The following ATP10B variants were observed in gnomAD, a reference collection of about 807,000 sequenced individuals.
The protein encoded by ATP10B is ATPase phospholipid transporting 10B (putative).
ATP10B carries 122 observed loss-of-function variants against 141.2 expected under a neutral mutation model. The observed-to-expected ratio is 0.86, with a 90% CI of 0.75 to 1.00. The LOEUF (loss-of-function observed/expected upper bound fraction) is 1.00, where lower values mean the gene tolerates loss of function less well. Among genes scored for constraint, ATP10B ranks in the 50% least tolerant of loss-of-function variants. The probability of loss-of-function intolerance (pLI) is 0.00; values close to 1 mark genes in which losing one functional copy is unlikely to be tolerated. For synonymous variants in ATP10B, 685 were observed against 692.0 expected, an observed-to-expected ratio of 0.99 and a Z score of 0.16; for missense variants, 1,876 against 1,825.3, an observed-to-expected ratio of 1.03 and a Z score of -0.51.
intron 16 of ATP10B, among the ~76,000 whole-genome samples, chr5:160,617,604 C>T (rs918368436): frequency 6.6e-6 from 1 of 152,180 alleles, no homozygotes; most frequent in African/African-American, 2.4e-5. Flanking sequence ...GAAAAAATGT[C>T]ATGAGTTGTG....
intron 2 of ATP10B, among the ~76,000 whole-genome samples, chr5:160,763,881 A>G (rs1769217973): frequency 6.6e-6 from 1 of 152,154 alleles, no homozygotes. Flanking sequence ...GGACGTTACA[A>G]CTGTTACCAC....
intron 2 of ATP10B, among the ~76,000 whole-genome samples, chr5:160,748,552 C>T (rs373990273): frequency 1.3e-4 from 20 of 152,228 alleles, no homozygotes; most frequent in African/African-American, 4.8e-4. Flanking sequence ...TGCTCTCGGC[C>T]TGCAGAGAGG....
intron 2 of ATP10B, among the ~76,000 whole-genome samples, chr5:160,719,298 G>A (rs1765852252): frequency 6.6e-6 from 1 of 152,206 alleles, no homozygotes; most frequent in Admixed American, 6.5e-5. Context: ...TACTCGGGAG[G>A]CTGAGGCAGG....
At chr5:160,707,388 A>G (rs77567751) in intron 3 of ATP10B, among the ~76,000 whole-genome samples, 1 of 152,188 alleles carries the variant, frequency 6.6e-6, no homozygotes. Context: ...CTGGCTTTTT[A>G]AGGTAGGAAC....
rs1389770518 is a variant in ATP10B at position 160,597,953 on chromosome 5, A to C, written c.3564+817T>G. On this transcript the variant is annotated intron_variant, in intron 22 of 25. Transcript: ENST00000327245. ...ACTTTTACACTGTTGGTGGGACTGT[A>C]AACTAGTTCAACCATTGTGGAAGTC... 2.7e-5 allele frequency among the ~76,000 whole-genome samples: 4 copies of C among 148,852 alleles called. No homozygotes were observed. In the East Asian group the frequency reaches 8.0e-4, roughly 30 times the overall value.
chr5:160,888,788 C>T, the ATP10B span, among the ~76,000 whole-genome samples: 1 of 152,216 alleles, frequency 6.6e-6, no homozygotes, highest in African/African-American at 2.4e-5. Context: ...CAAGGGTCTC[C>T]AAAATCTATG....
chr5:160,879,537 TA>T, the ATP10B span, among the ~76,000 whole-genome samples: 2,069 of 134,822 alleles, frequency 0.015, 17 homozygotes, highest in South Asian at 0.027. Context: ...AAAGTAAAAT[TA>T]AAAAAAAAAA....
At chr5:160,882,937 G>A in the ATP10B span, among the ~76,000 whole-genome samples, 1 of 151,932 alleles carries the variant, frequency 6.6e-6, no homozygotes, top group Non-Finnish European at 1.5e-5. Context: ...AATAGAATTG[G>A]TTGGTCTGCC....
chr5:160,677,931 C>T lies in ATP10B; in HGVS notation c.471-7264G>A, dbSNP rs140480958. Among the ~76,000 whole-genome samples the T allele has an allele frequency of 8.8e-3, 1,335 of 152,208 alleles. 20 individuals are homozygous for T. Among genetic ancestry groups the T allele is most frequent in the African/African-American group, 0.03 (1,253 of 41,530 alleles). On this transcript the variant is annotated intron_variant, in intron 6 of 25. Coordinates refer to ENST00000327245, the MANE Select transcript of ATP10B (RefSeq NM_025153.3). ...AATTGCAGCTTTATTAACAGCTGTA[C>T]AAATATGATATTCTAACATAGAGTC...
At position 160,613,113 on chromosome 5, in the gene ATP10B, G is replaced by T. The variant is rs374875303; in HGVS notation, c.2654-188C>A. 8.9e-4 allele frequency among the ~76,000 whole-genome samples: 135 copies of T among 152,274 alleles called. 2 individuals carry two copies. In the South Asian group the frequency reaches 0.027, roughly 30 times the overall value. On this transcript the variant is annotated intron_variant, in intron 17 of 25. Coordinates refer to ENST00000327245, the MANE Select transcript of ATP10B (RefSeq NM_025153.3). ...TCTGAGTTCAATGGTCATTGAATAA[G>T]AATTTATAACTGAGCTATATAATGA...
At position 160,617,882 on chromosome 5, in the gene ATP10B, T is replaced by C; in HGVS notation, c.2508A>G (p.Thr836=). 6.2e-7 allele frequency: 1 copy of C among 1,614,132 alleles called. No individual in the cohort carries two copies. The change falls in exon 16 of 26, where the codon ACA becomes ACG. Residue 836 remains threonine (T), a synonymous_variant. Coordinates refer to ENST00000327245, the MANE Select transcript of ATP10B (RefSeq NM_025153.3). ...TTCTTACCTTCTTGGCAATGCATAGTGTGCGCAGGCCATCTCTTGCATACA... is the reference window on the plus strand; with the variant it reads ...TTCTTACCTTCTTGGCAATGCATAGCGTGCGCAGGCCATCTCTTGCATACA... The part of the protein sequence containing the change: ...LDLYARDGLR[T]LCIAKKVVSE...
upstream of ATP10B, among the ~76,000 whole-genome samples, chr5:160,855,545 T>A (rs1005960631): frequency 1.3e-5 from 2 of 151,830 alleles, no homozygotes; most frequent in Non-Finnish European, 2.9e-5. Flanking sequence ...GGTTGGGAAA[T>A]GTTTTCTTTC....
intron 2 of ATP10B, among the ~76,000 whole-genome samples, chr5:160,717,890 G>A (rs981350327): frequency 6.6e-6 from 1 of 152,120 alleles, no homozygotes; most frequent in South Asian, 2.1e-4. Flanking sequence ...GGGCTCTCTG[G>A]TATGTACCCA....
chr5:160,688,384 C>T (rs564840525), intron 4 of ATP10B, among the ~76,000 whole-genome samples: 70 of 152,260 alleles, frequency 4.6e-4, no homozygotes, highest in African/African-American at 1.7e-3. Flanking sequence ...ACATAAATAA[C>T]ATGCTCCTAA....
chr5:160,660,789 C>G (rs1484763989), intron 7 of ATP10B, among the ~76,000 whole-genome samples: 2 of 152,264 alleles, frequency 1.3e-5, no homozygotes, highest in African/African-American at 2.4e-5. Context: ...AAATCTAACC[C>G]CAGTCCGACT....
intron 3 of ATP10B, among the ~76,000 whole-genome samples, chr5:160,703,945 C>T (rs1764826085): frequency 6.6e-6 from 1 of 152,158 alleles, no homozygotes; most frequent in Non-Finnish European, 1.5e-5. Context: ...TTCATCAGAG[C>T]TCTTAGGTCA....
the ATP10B span, among the ~76,000 whole-genome samples, chr5:160,902,548 G>A: frequency 6.6e-6 from 1 of 152,140 alleles, no homozygotes; most frequent in African/African-American, 2.4e-5. Context: ...ACAAAGAATG[G>A]CATAGTTGAA....
chr5:160,736,769 A>T (rs1200136835), intron 2 of ATP10B, among the ~76,000 whole-genome samples: 1 of 152,168 alleles, frequency 6.6e-6, no homozygotes, highest in African/African-American at 2.4e-5. Context: ...CAAAAGAAAA[A>T]AAAGTCTACT....
intron 1 of ATP10B, among the ~76,000 whole-genome samples, chr5:160,822,273 C>T (rs565578331): frequency 3.9e-5 from 6 of 152,162 alleles, no homozygotes; most frequent in African/African-American, 1.4e-4. Context: ...TGTTCAACAT[C>T]ACTGATAATC....
Sources: allele counts gnomAD v4.1 joint callset (sites outside exome capture counted in the v4.1 genomes callset), GRCh38; gene constraint gnomAD v4.1.1; transcripts MANE v1.5; gene names NCBI Gene and HGNC (gene_info 2026-07-23, HGNC 2026-07-21).